LGSN: variants seen among roughly 807,000 people sequenced by gnomAD.
The protein encoded by LGSN is lengsin, lens protein with glutamine synthetase domain.
Under a neutral mutation model 19.5 loss-of-function variants are expected in LGSN, and 21 were observed. That is an observed-to-expected ratio of 1.07 (90% CI 0.76 to 1.55). The LOEUF is 1.55. Ranked by LOEUF, LGSN falls within the 40% of genes most tolerant of loss-of-function variation. LGSN has a pLI of 0.00. For synonymous variants in LGSN, 257 were observed against 215.6 expected (o/e 1.19, Z -1.68); for missense variants, 673 against 608.5 (o/e 1.11, Z -1.12).
At chr6:63,529,713 G>A in the LGSN span, among the ~76,000 whole-genome samples, 6 of 152,170 alleles carry the variant, frequency 3.9e-5, no homozygotes, top group African/African-American at 9.7e-5. Context: ...GGAGGAAAAG[G>A]TTATGCATTT....
At chr6:63,363,569 C>G in the LGSN span, among the ~76,000 whole-genome samples, 1 of 152,090 alleles carries the variant, frequency 6.6e-6, no homozygotes, top group African/African-American at 2.4e-5. Context: ...GCTTCAGTAG[C>G]TGATTTGATC....
chr6:63,534,930 C>T, the LGSN span, among the ~76,000 whole-genome samples: 1 of 151,542 alleles, frequency 6.6e-6, no homozygotes, highest in African/African-American at 2.4e-5. Flanking sequence ...TGTGGTGGCA[C>T]ACATCTGTAA....
At chr6:63,408,261 A>G in the LGSN span, among the ~76,000 whole-genome samples, 16,685 of 150,542 alleles carry the variant, frequency 0.11, 1,836 homozygotes, top group African/African-American at 0.29. Flanking sequence ...GAGGCATAAC[A>G]CTACCTGACT....
At chr6:63,410,856 T>C in the LGSN span, among the ~76,000 whole-genome samples, 5 of 152,098 alleles carry the variant, frequency 3.3e-5, no homozygotes, top group South Asian at 6.2e-4. Flanking sequence ...CACATGCTGG[T>C]AAATGGTTGC....
the LGSN span, among the ~76,000 whole-genome samples, chr6:63,456,346 A>AATATATATATATATATATATAT: frequency 3.0e-5 from 3 of 100,524 alleles, 1 homozygote; most frequent in East Asian, 5.7e-4. Context: ...ACTTGGCAGA[A>AATATATATATATATATATATAT]ATATACATAT....
the LGSN span, among the ~76,000 whole-genome samples, chr6:63,450,923 C>T: frequency 2.7e-4 from 41 of 152,094 alleles, no homozygotes; most frequent in Non-Finnish European, 5.3e-4. Flanking sequence ...ATCCCCCTGG[C>T]CTTGGCCTCC....
At chr6:63,407,518 T>C in the LGSN span, among the ~76,000 whole-genome samples, 3 of 152,186 alleles carry the variant, frequency 2.0e-5, no homozygotes, top group Admixed American at 2.0e-4. Context: ...TCGGTATTGA[T>C]GGGACGTATC....
chr6:63,389,893 A>G, the LGSN span, among the ~76,000 whole-genome samples: 3 of 152,068 alleles, frequency 2.0e-5, no homozygotes, highest in African/African-American at 4.8e-5. Flanking sequence ...ATTAATGTAC[A>G]TGCTTCAAAG....
intron 1 of LGSN, among the ~76,000 whole-genome samples, chr6:63,297,877 A>G (rs1023668477): frequency 6.6e-6 from 1 of 152,224 alleles, no homozygotes; most frequent in Non-Finnish European, 1.5e-5. Flanking sequence ...TGTTTCAGCC[A>G]ATCACAGGTG....
the LGSN span, among the ~76,000 whole-genome samples, chr6:63,520,078 G>A: frequency 2.0e-5 from 3 of 152,140 alleles, no homozygotes; most frequent in African/African-American, 2.4e-5. Flanking sequence ...ATAAATTTGC[G>A]AGAACATAAT....
chr6:63,518,544 G>A, the LGSN span, among the ~76,000 whole-genome samples: 1 of 152,114 alleles, frequency 6.6e-6, no homozygotes, highest in African/African-American at 2.4e-5. Context: ...AGAGGGTGGG[G>A]GCAATGTAGG....
the LGSN span, among the ~76,000 whole-genome samples, chr6:63,387,392 A>G: frequency 4.4e-4 from 67 of 152,294 alleles, no homozygotes; most frequent in African/African-American, 1.5e-3. Context: ...TACATAATTT[A>G]CATATTATAT....
the LGSN span, among the ~76,000 whole-genome samples, chr6:63,338,972 C>A: frequency 6.6e-6 from 1 of 152,096 alleles, no homozygotes; most frequent in African/African-American, 2.4e-5. Context: ...TATTTGAAAA[C>A]TGTACATTTT....
chr6:63,445,783 T>G, the LGSN span, among the ~76,000 whole-genome samples: 1 of 152,156 alleles, frequency 6.6e-6, no homozygotes, highest in Non-Finnish European at 1.5e-5. Context: ...TTACTACAAT[T>G]GCCTGCCAAC....
chr6:63,295,088 C>T, intron 1 of LGSN, 43 bp from the exon 2 acceptor site: 3 of 1,561,006 alleles, frequency 1.9e-6, no homozygotes, highest in Non-Finnish European at 1.8e-6. Context: ...ACAGATTATT[C>T]AAACAATGAT....
At chr6:63,529,165 A>ATATATATATATGTATATATATGTGTG in the LGSN span, among the ~76,000 whole-genome samples, 439 of 43,404 alleles carry the variant, frequency 0.01, 5 homozygotes, top group Admixed American at 0.035. Context: ...ATATGTGTGT[A>ATATATATATATGTATATATATGTGTG]TATATATATA....
At chr6:63,351,678 G>T in the LGSN span, among the ~76,000 whole-genome samples, 9 of 151,988 alleles carry the variant, frequency 5.9e-5, no homozygotes, top group Non-Finnish European at 8.8e-5. Flanking sequence ...CTCTGGTCTC[G>T]AATTCCTAGC....
the LGSN span, among the ~76,000 whole-genome samples, chr6:63,380,971 C>G: frequency 6.6e-6 from 1 of 152,200 alleles, no homozygotes; most frequent in South Asian, 2.1e-4. Flanking sequence ...CCAAGGCAGG[C>G]AGATCACTTG....
chr6:63,464,723 AT>A, the LGSN span, among the ~76,000 whole-genome samples: 10 of 151,950 alleles, frequency 6.6e-5, no homozygotes, highest in African/African-American at 2.4e-4. Context: ...TAAAAGAAAC[AT>A]ACAAATATTT....
Sources: allele counts gnomAD v4.1 joint callset (sites outside exome capture counted in the v4.1 genomes callset), GRCh38; gene constraint gnomAD v4.1.1; transcripts MANE v1.5; gene names NCBI Gene and HGNC (gene_info 2026-07-23, HGNC 2026-07-21).